Variants in FAT1 observed in about 807,000 individuals in gnomAD.
FAT1 encodes protocadherin Fat 1.
Under a neutral mutation model 329.8 loss-of-function variants are expected in FAT1, and 171 were observed. The observed-to-expected ratio is 0.52, with a 90% CI of 0.46 to 0.59. FAT1 has a LOEUF of 0.59. Ranked by LOEUF, FAT1 falls within the 20% of genes least tolerant of loss-of-function variation. The probability of loss-of-function intolerance (pLI) is 0.00; values close to 1 mark genes in which losing one functional copy is unlikely to be tolerated. For missense variants in FAT1, 5,672 were observed against 5,774.4 expected (o/e 0.98, Z 0.57); for synonymous variants, 2,233 against 2,228.6 (o/e 1.00, Z -0.06).
At chr4:186,592,262 T>C (rs894862202) in intron 26 of FAT1, among the ~76,000 whole-genome samples, 2 of 150,552 alleles carry the variant, frequency 1.3e-5, no homozygotes, top group African/African-American at 4.9e-5. Context: ...TCTTTTACCA[T>C]GCTCTACACC....
At chr4:186,714,933 C>T (rs745354375) in intron 1 of FAT1, among the ~76,000 whole-genome samples, 36 of 152,102 alleles carry the variant, frequency 2.4e-4, no homozygotes, top group Admixed American at 7.9e-4. Flanking sequence ...CAAAAAGTAG[C>T]TGGGTGCGGT....
rs765575959 is a variant in FAT1, at chr4:186,603,981, CAAGAA to C, written c.10549-9_10549-5del. The C allele has an allele frequency of 6.2e-7, 1 of 1,600,060 alleles. No homozygotes were observed. The highest frequency in any genetic ancestry group is 1.3e-5 in the African/African-American group (1 of 74,424). ...GAGGCTTTCCATTATCTGCCACCTA[CAAGAA>C]AAGAAAAATAAAATCACCTTTGTCT... On this transcript the variant is annotated splice_polypyrimidine_tract_variant and splice_region_variant and intron_variant, in intron 18 of 26. Transcript: ENST00000441802.
Position 186,707,165 on chromosome 4 carries a change from T to C in FAT1, c.2663A>G (p.Gln888Arg), listed in dbSNP as rs778907024. The C allele has an allele frequency of 6.2e-7, 1 of 1,613,982 alleles. No individual in the cohort carries two copies. The highest frequency in any genetic ancestry group is 8.5e-7 in the Non-Finnish European group (1 of 1,179,888). Reference protein sequence around the residue: ...NIARPLDRELQHEHSLKIEAR... With the variant: ...NIARPLDRELRHEHSLKIEAR... ...CTCAATCTTTAAGGAGTGCTCATGC[T>C]GCAGCTCTCGATCCAGAGGGCGTGC... is the stretch of plus-strand genomic sequence containing the variant. Residue 888 changes from glutamine to arginine, a missense_variant, in exon 2 of 27, where the codon CAG (glutamine) becomes CGG (arginine). Gln to Arg is a conservative substitution (Grantham distance 43, BLOSUM62 1). Transcript: ENST00000441802.
chr4:186,606,299 G>GT (rs562065361), intron 16 of FAT1, 86 bp from the exon 17 acceptor site: 34 of 1,447,384 alleles, frequency 2.3e-5, no homozygotes, highest in South Asian at 8.2e-5. Context: ...GAGTCCTGAC[G>GT]GGCAGGTCCC....
intron 2 of FAT1, among the ~76,000 whole-genome samples, chr4:186,683,614 C>A (rs1743326361): frequency 6.6e-6 from 1 of 152,158 alleles, no homozygotes; most frequent in Admixed American, 6.5e-5. Context: ...GGACCTACAG[C>A]AGGACTTGCA....
intron 3 of FAT1, among the ~76,000 whole-genome samples, chr4:186,647,076 G>A (rs1741420787): frequency 6.6e-6 from 1 of 152,190 alleles, no homozygotes. Flanking sequence ...TCATTCAACT[G>A]CTCAGAATGC....
chr4:186,594,224 C>A (rs1560915384), intron 26 of FAT1, among the ~76,000 whole-genome samples: 2 of 151,958 alleles, frequency 1.3e-5, no homozygotes, highest in Non-Finnish European at 1.5e-5. Context: ...CACCACCACG[C>A]CCGGCTGATT....
chr4:186,639,805 T>C lies in FAT1; in HGVS notation c.3581-22A>G, dbSNP rs772031240. The stretch of plus-strand genomic sequence containing the variant: ...AGACCTGTAAAATGATAACAGTTCA[T>C]TAATCCTCACAAAATAAGGTCAATT... On this transcript the variant is annotated intron_variant, in intron 3 of 26. Transcript: ENST00000441802. 2.5e-6 allele frequency: 4 copies of C among 1,590,054 alleles called. No individual in the cohort carries two copies. The South Asian group carries it at 4.5e-5, about 18-fold the overall frequency.
chr4:186,688,243 C>T (rs972954504), intron 2 of FAT1, among the ~76,000 whole-genome samples: 3 of 151,860 alleles, frequency 2.0e-5, no homozygotes, highest in Non-Finnish European at 1.5e-5. Context: ...AACAGAGGCA[C>T]CCACAGAGAT....
At chr4:186,651,521 T>A (rs569512254) in intron 3 of FAT1, among the ~76,000 whole-genome samples, 16 of 152,284 alleles carry the variant, frequency 1.1e-4, no homozygotes, top group African/African-American at 3.6e-4. Context: ...AAATCTTTCA[T>A]GAGTATCACG....
intron 21 of FAT1, among the ~76,000 whole-genome samples, chr4:186,600,855 C>T (rs1407042294): frequency 2.0e-5 from 3 of 152,188 alleles, no homozygotes; most frequent in African/African-American, 7.2e-5. Context: ...GAATTACAGG[C>T]GTCCGCCACC....
rs1218407729 is a variant in FAT1 at position 186,618,272 on chromosome 4, T to C, written c.8314A>G (p.Lys2772Glu). 7 of 1,614,022 alleles carry C rather than the reference T, an allele frequency of 4.3e-6. No individual in the cohort carries two copies. The highest frequency in any genetic ancestry group is 5.9e-6 in the Non-Finnish European group (7 of 1,179,896). Reference sequence around the variant, plus strand: ...GCCAGTATGGAAAACTGATACCACTTAGTTGTCTCATGATCAAGACTCTTC... The same window carrying C: ...GCCAGTATGGAAAACTGATACCACTCAGTTGTCTCATGATCAAGACTCTTC... Reference protein sequence around the residue: ...LEKSLDHETTKWYQFSILARC... With the variant: ...LEKSLDHETTEWYQFSILARC... Residue 2772 changes from lysine (K) to glutamate (E), a missense_variant, in exon 10 of 27, where the codon AAG becomes GAG. Around this residue, in one of 2 missense-constraint regions of FAT1, gnomAD observed 3,966 missense variants for 3,915.2 expected, o/e 1.01. Coordinates refer to ENST00000441802, the MANE Select transcript of FAT1 (RefSeq NM_005245.4).
chr4:186,643,531 A>G (rs1231034270), intron 3 of FAT1, among the ~76,000 whole-genome samples: 1 of 152,146 alleles, frequency 6.6e-6, no homozygotes, highest in Non-Finnish European at 1.5e-5. Flanking sequence ...GCGAAAAATT[A>G]CAGTAAAATT....
At chr4:186,660,283 C>A (rs896056467) in intron 3 of FAT1, among the ~76,000 whole-genome samples, 5 of 152,136 alleles carry the variant, frequency 3.3e-5, no homozygotes, top group Admixed American at 1.3e-4. Context: ...GGCATGTGTA[C>A]TTCAGGCCCT....
At position 186,707,242 on chromosome 4, in the gene FAT1, A is replaced by G. The variant is rs747300323; in HGVS notation, c.2586T>C (p.Val862=). 4.8e-5 allele frequency: 78 copies of G among 1,613,828 alleles called. No homozygotes were observed. Among genetic ancestry groups the G allele is most frequent in the Non-Finnish European group, 5.4e-5 (64 of 1,179,894 alleles). ...GPNGHVTYSI[V]TDTDTFSIDS... is the part of the protein sequence containing the mutation. ...CAATTGAAAATGTGTCTGTGTCTGT[A>G]ACAATTGAGTACGTCACGTGTCCGT... The change falls in exon 2 of 27, where the codon GTT becomes GTC. Residue 862 remains valine, a synonymous_variant. Coordinates refer to ENST00000441802, the MANE Select transcript of FAT1 (RefSeq NM_005245.4).
chr4:186,592,771 A>G (rs1374053627), intron 26 of FAT1: 1 of 456,682 alleles, frequency 2.2e-6, no homozygotes, highest in East Asian at 6.9e-5. Flanking sequence ...AAGGTACAAA[A>G]GCAGTCAATT....
Position 186,614,348 on chromosome 4 carries a change from C to T in FAT1, c.9076-4G>A. On this transcript the variant is annotated splice_polypyrimidine_tract_variant and splice_region_variant and intron_variant, in intron 11 of 26. Transcript: ENST00000441802. ...GAATAGTGTCTGAATATAAAGTCTG[C>T]AAAGAGTTTAAACAAAAACGTTACA... 6.6e-7 allele frequency: 1 copy of T among 1,519,246 alleles called. No individual in the cohort carries two copies. The highest frequency in any genetic ancestry group is 8.8e-7 in the Non-Finnish European group (1 of 1,138,496). 94.1% of individuals were successfully genotyped at this position (1,519,246 alleles called of 1,614,324 possible). A position where few individuals can be genotyped will look rare whatever the true frequency, so the allele number is the denominator to read the frequency against.
At chr4:186,723,500 T>C (rs1001060844) in intron 1 of FAT1, among the ~76,000 whole-genome samples, 164 bp downstream of exon 1, 1 of 152,056 alleles carries the variant, frequency 6.6e-6, no homozygotes, top group Non-Finnish European at 1.5e-5. Context: ...ATTTCCCAAC[T>C]GGGAAGGACC....
At position 186,636,218 on chromosome 4, in the gene FAT1, A is replaced by G. The variant is rs1225044625; in HGVS notation, c.3990T>C (p.Asn1330=). The change falls in exon 6 of 27, where the codon AAT becomes AAC. Residue 1330 remains asparagine, a synonymous_variant. Coordinates refer to ENST00000441802, the MANE Select transcript of FAT1 (RefSeq NM_005245.4). ...YDILSIKAVD[N]GRPQKSSTTR... is the part of the protein sequence containing the mutation. ...TGGTTGATGACTTTTGAGGGCGACC[A>G]TTGTCAACTGCCTTAATCTACAACA... is the stretch of plus-strand genomic sequence containing the variant. The G allele has an allele frequency of 1.9e-6, 3 of 1,614,020 alleles. No homozygotes were observed. Among genetic ancestry groups the G allele is most frequent in the Non-Finnish European group, 1.7e-6 (2 of 1,179,876 alleles).
Sources: allele counts gnomAD v4.1 joint callset (sites outside exome capture counted in the v4.1 genomes callset), GRCh38; gene constraint gnomAD v4.1.1; regional missense constraint gnomAD v4.1.1; transcripts MANE v1.5; gene names NCBI Gene and HGNC (gene_info 2026-07-23, HGNC 2026-07-21).